The following SEC24D variants were observed in gnomAD, a reference collection of about 807,000 sequenced individuals.
SEC24D encodes SEC24 homolog D, COPII component, also known as protein transport protein Sec24D.
In SEC24D, 69 loss-of-function variants were observed where a neutral mutation model predicts 116.9. The observed-to-expected ratio is 0.59, with a 90% CI of 0.49 to 0.72. The LOEUF (loss-of-function observed/expected upper bound fraction) is 0.72, where lower values mean the gene tolerates loss of function less well. Among genes scored for constraint, SEC24D ranks in the 30% least tolerant of loss-of-function variants. The pLI is 0.00. For synonymous variants in SEC24D, 405 were observed against 442.8 expected (o/e 0.91, Z 1.07); for missense variants, 1,131 against 1,264.1 (o/e 0.89, Z 1.60).
intron 6 of SEC24D, among the ~76,000 whole-genome samples, chr4:118,813,018 C>T (rs879890814): frequency 1.3e-5 from 2 of 152,166 alleles, no homozygotes; most frequent in African/African-American, 2.4e-5. Context: ...TGCATGCCCT[C>T]CAAGGGGCAC....
At chr4:118,813,996 T>C (rs1317437728) in intron 6 of SEC24D, among the ~76,000 whole-genome samples, 1 of 152,252 alleles carries the variant, frequency 6.6e-6, no homozygotes, top group Non-Finnish European at 1.5e-5. Flanking sequence ...GCTAAGCTAC[T>C]GTTTTGTAGC....
rs1297943966 is a variant in SEC24D at position 118,815,043 on chromosome 4, G to A, written c.786C>T (p.Asp262=). The A allele has an allele frequency of 1.2e-6, 2 of 1,614,184 alleles. No individual in the cohort carries two copies. Among genetic ancestry groups the A allele is most frequent in the Non-Finnish European group, 1.7e-6 (2 of 1,180,026 alleles). The change falls in exon 6 of 23, where the codon GAC becomes GAT. Residue 262 remains aspartate (D), a synonymous_variant. Transcript: ENST00000280551. ...GAGTACTTACTGGGCTAGGGATAGA[G>A]TCAGGATCCAGCTTCTTCTGGGGCT... ...PPQPQKKLDP[D]SIPSPIQVIE... is the part of the protein sequence containing the mutation.
chr4:118,765,684 C>A (rs997156647), intron 9 of SEC24D, among the ~76,000 whole-genome samples: 4 of 152,132 alleles, frequency 2.6e-5, no homozygotes, highest in African/African-American at 9.7e-5. Flanking sequence ...TGGTTTTAAA[C>A]TTTTTGTAAA....
intron 9 of SEC24D, among the ~76,000 whole-genome samples, chr4:118,767,564 T>C (rs1252008836): frequency 6.6e-6 from 1 of 152,236 alleles, no homozygotes; most frequent in Admixed American, 6.5e-5. Flanking sequence ...AGACATGTTA[T>C]AAATGTAATA....
Position 118,745,033 on chromosome 4 carries a change from T to C in SEC24D, c.1735A>G (p.Ile579Val), listed in dbSNP as rs1481374114. The change falls in exon 14 of 23, where the codon ATC (isoleucine) becomes GTC (valine). Residue 579 changes from isoleucine (I) to valine (V), a missense_variant. Ile to Val is a conservative substitution (Grantham distance 29, BLOSUM62 3). Coordinates refer to ENST00000280551, the MANE Select transcript of SEC24D (RefSeq NM_014822.4). Reference protein sequence around the residue: ...KAADCPGKLFIFHSSLPTAEA... With the variant: ...KAADCPGKLFVFHSSLPTAEA... ...GCAGTTGGCAAGGAAGAATGGAAGA[T>C]GAACAGCTTCCCAGGACAGTCTGCT... is the stretch of plus-strand genomic sequence containing the variant. 2 of 1,606,052 alleles carry C rather than the reference T, an allele frequency of 1.2e-6. No homozygotes were observed. Among genetic ancestry groups the C allele is most frequent in the Non-Finnish European group, 8.5e-7 (1 of 1,177,568 alleles).
At chr4:118,816,297 A>G (rs2110525595) in intron 4 of SEC24D, among the ~76,000 whole-genome samples, 1 of 152,208 alleles carries the variant, frequency 6.6e-6, no homozygotes, top group East Asian at 1.9e-4. Flanking sequence ...ATAAATTTTA[A>G]CTCAGTTGTG....
chr4:118,824,959 AAAG>A (rs747168967), intron 2 of SEC24D, among the ~76,000 whole-genome samples: 1 of 152,246 alleles, frequency 6.6e-6, no homozygotes, highest in Non-Finnish European at 1.5e-5. Context: ...AAAGAGCAGA[AAAG>A]AAGGGAATCA....
At chr4:118,789,285 T>C (rs1438698714) in intron 8 of SEC24D, among the ~76,000 whole-genome samples, 1 of 152,178 alleles carries the variant, frequency 6.6e-6, no homozygotes, top group African/African-American at 2.4e-5. Flanking sequence ...ACTACTACAG[T>C]GAGGCACTAT....
chr4:118,803,058 A>G (rs1729515267), intron 7 of SEC24D, among the ~76,000 whole-genome samples: 2 of 152,196 alleles, frequency 1.3e-5, no homozygotes, highest in South Asian at 4.1e-4. Flanking sequence ...ATAGAGACAG[A>G]ACGTAGAACA....
At chr4:118,727,944 A>T (rs150091837) in intron 22 of SEC24D, among the ~76,000 whole-genome samples, 149 of 152,230 alleles carry the variant, frequency 9.8e-4, no homozygotes, top group South Asian at 2.7e-3. Context: ...ACGTGCCTCC[A>T]GCTGAGTGTC....
chr4:118,770,023 C>A (rs1385877377), intron 8 of SEC24D, among the ~76,000 whole-genome samples: 2 of 152,110 alleles, frequency 1.3e-5, no homozygotes, highest in African/African-American at 2.4e-5. Flanking sequence ...GGCTTCAGGT[C>A]CTGAAGGCTA....
At chr4:118,826,533 G>A (rs1730598167) in intron 2 of SEC24D, among the ~76,000 whole-genome samples, 1 of 151,820 alleles carries the variant, frequency 6.6e-6, no homozygotes, top group African/African-American at 2.4e-5. Context: ...ACAAAAGTAG[G>A]CAATTCACAA....
At position 118,764,845 on chromosome 4, in the gene SEC24D, G is replaced by A; in HGVS notation, c.1253C>T (p.Ser418Phe). The A allele has an allele frequency of 6.2e-7, 1 of 1,610,530 alleles. No homozygotes were observed. Among genetic ancestry groups the A allele is most frequent in the Non-Finnish European group, 8.5e-7 (1 of 1,176,998 alleles). ...RLDHYEKPEL[S>F]LGSYEYVATL... is the part of the protein sequence containing the mutation. ...GGCAACATATTCATAAGATCCTAGA[G>A]ATAACTCTGGTTTCTCATAGTGGTC... The change falls in exon 10 of 23, where the codon TCT (serine) becomes TTT (phenylalanine). Residue 418 changes from serine (S) to phenylalanine (F), a missense_variant. By Grantham distance (155) the Ser-to-Phe change is radical. Transcript: ENST00000280551.
At chr4:118,741,070 G>T in intron 15 of SEC24D, 33 bp from the exon 16 acceptor site, 2 of 1,129,816 alleles carry the variant, frequency 1.8e-6, no homozygotes, top group Non-Finnish European at 2.6e-6. Context: ...ATGTCCACCA[G>T]ATGGCAGTAA....
chr4:118,822,416 C>T (rs914364935), intron 3 of SEC24D, among the ~76,000 whole-genome samples: 1 of 152,134 alleles, frequency 6.6e-6, no homozygotes, highest in Non-Finnish European at 1.5e-5. Flanking sequence ...TCCTAAGCAA[C>T]CTGATCAAGT....
At chr4:118,733,575 C>T (rs1038286589) in intron 19 of SEC24D, among the ~76,000 whole-genome samples, 1 of 152,012 alleles carries the variant, frequency 6.6e-6, no homozygotes, top group South Asian at 2.1e-4. Flanking sequence ...AGGCATAGTC[C>T]ATGTTGTAAG....
At chr4:118,814,172 T>G (rs1730037328) in intron 6 of SEC24D, among the ~76,000 whole-genome samples, 1 of 152,244 alleles carries the variant, frequency 6.6e-6, no homozygotes, top group Non-Finnish European at 1.5e-5. Context: ...GCCATAAGAT[T>G]GGCAGCTTCC....
At chr4:118,824,239 C>T (rs934203915) in intron 3 of SEC24D, among the ~76,000 whole-genome samples, 4 of 152,084 alleles carry the variant, frequency 2.6e-5, no homozygotes, top group East Asian at 1.9e-4. Context: ...CTTGACTTCC[C>T]GGGCTTACAG....
intron 8 of SEC24D, among the ~76,000 whole-genome samples, chr4:118,778,121 T>A (rs2110483173): frequency 6.6e-6 from 1 of 152,342 alleles, no homozygotes; most frequent in African/African-American, 2.4e-5. Context: ...CTAGATCACA[T>A]TTGTCTGTTC....
Sources: gnomAD v4.1 joint callset for allele counts (sites outside exome capture counted in the v4.1 genomes callset) on GRCh38, gnomAD v4.1.1 for gene constraint, MANE v1.5 for transcripts, NCBI Gene and HGNC (gene_info 2026-07-23, HGNC 2026-07-21) for gene names.